The following ADCY9 variants were observed in gnomAD, a reference collection of about 807,000 sequenced individuals.
ADCY9 encodes adenylate cyclase 9.
In ADCY9, 50 loss-of-function variants were observed where a neutral mutation model predicts 101.5. The observed-to-expected ratio is 0.49, with a 90% confidence interval of 0.39 to 0.62. The LOEUF (loss-of-function observed/expected upper bound fraction) is 0.62, where lower values mean the gene tolerates loss of function less well. Among genes scored for constraint, ADCY9 ranks in the 20% least tolerant of loss-of-function variants. The probability of loss-of-function intolerance (pLI) is 0.00; values close to 1 mark genes in which losing one functional copy is unlikely to be tolerated. For missense variants in ADCY9, 1,662 were observed against 1,800.4 expected (o/e 0.92, Z 1.39); for synonymous variants, 905 against 769.3 (o/e 1.18, Z -2.92).
rs528721544 is a variant in ADCY9 at position 4,036,379 on chromosome 16, G to A, written c.1694-28821C>T. 2.0e-5 allele frequency among the ~76,000 whole-genome samples: 3 copies of A among 151,252 alleles called. No homozygotes were observed. The East Asian group carries it at 5.8e-4, about 29-fold the overall frequency. On this transcript the variant is annotated intron_variant, in intron 2 of 10. Transcript: ENST00000294016. ...GGGTATGTGAGAAATTTTATGGCAT[G>A]TATATAATGCGCAGTGATGAAGTCA...
At chr16:3,960,721 C>G (rs765935322), downstream of ADCY9, among the ~76,000 whole-genome samples, 1 of 152,174 alleles carries the variant, frequency 6.6e-6, no homozygotes, top group African/African-American at 2.4e-5. Flanking sequence ...TTACTTAACT[C>G]ACATCTCCTT....
In ADCY9 at chr16:4,115,350, C is replaced by A; in HGVS notation, c.93G>T (p.Lys31Asn). 6.2e-7 allele frequency: 1 copy of A among 1,612,704 alleles called. No individual in the cohort carries two copies. Among genetic ancestry groups the A allele is most frequent in the Non-Finnish European group, 8.5e-7 (1 of 1,179,550 alleles). The change falls in exon 2 of 11, where the codon AAG becomes AAT. Residue 31 changes from lysine to asparagine, a missense_variant. This residue lies in a region of ADCY9 where 422 missense variants were observed against 392.0 expected (regional missense o/e 1.08). Transcript: ENST00000294016. This position sits in a 1 kb window ranked among gnomAD's most constrained non-coding sequence, Gnocchi z 6.2. ...TGGAGGACAGCTGCTTGGGGTTGAT[C>A]TTGACGCGCACGCTGTTGCTGTCCC... ...SSGDSNSVRV[K>N]INPKQLSSNS...
chr16:4,075,232 G>A (rs1433367593), intron 2 of ADCY9, among the ~76,000 whole-genome samples: 2 of 152,092 alleles, frequency 1.3e-5, no homozygotes, highest in Admixed American at 6.5e-5. Context: ...TCCGCCTCCC[G>A]GGTTCAAGCA....
chr16:4,028,852 T>G (rs2056535305), intron 2 of ADCY9, among the ~76,000 whole-genome samples: 1 of 152,080 alleles, frequency 6.6e-6, no homozygotes, highest in African/African-American at 2.4e-5. Context: ...TGGCGCGATC[T>G]CGGCTCACTG....
intron 2 of ADCY9, among the ~76,000 whole-genome samples, chr16:4,038,145 G>C (rs897437047): frequency 5.9e-5 from 9 of 152,230 alleles, no homozygotes; most frequent in African/African-American, 1.7e-4. Context: ...GCCAGACGTG[G>C]TGGCACACGC....
chr16:3,986,034 C>T (rs1383071665), intron 6 of ADCY9, among the ~76,000 whole-genome samples: 2 of 152,234 alleles, frequency 1.3e-5, no homozygotes, highest in African/African-American at 2.4e-5. Flanking sequence ...GGCCAGGCTC[C>T]GCCCTGCTCA....
intron 2 of ADCY9, among the ~76,000 whole-genome samples, chr16:4,008,479 G>A (rs1435263289): frequency 6.6e-6 from 1 of 152,044 alleles, no homozygotes; most frequent in Non-Finnish European, 1.5e-5. Flanking sequence ...CGGAAGGAGG[G>A]ACAATGTAAT....
In ADCY9 at chr16:3,963,618, A is replaced by T. The variant is rs79896346; in HGVS notation, c.*2157T>A. 2.2e-3 allele frequency: 766 copies of T among 346,434 alleles called. 8 individuals are homozygous for T. The highest frequency in any genetic ancestry group is 0.015 in the African/African-American group (698 of 47,438). The allele number at this position is 346,434 out of a possible 1,614,324, so 21.5% of individuals were successfully genotyped here. A position where few individuals can be genotyped will look rare whatever the true frequency, so the allele number is the denominator to read the frequency against. ...AAACACCTTTGTGGTTGGGGAAGGA[A>T]ATGGGCTTGATGGGGAAGAAGTGTG... On this transcript the variant is annotated 3_prime_UTR_variant, in exon 11 of 11. Coordinates refer to ENST00000294016, the MANE Select transcript of ADCY9 (RefSeq NM_001116.4).
chr16:4,055,073 G>A (rs555256396), intron 2 of ADCY9, among the ~76,000 whole-genome samples: 3 of 152,208 alleles, frequency 2.0e-5, no homozygotes, highest in East Asian at 1.9e-4. Context: ...CAGGGCCCCC[G>A]CGGAAGGGGA....
intron 2 of ADCY9, among the ~76,000 whole-genome samples, chr16:4,033,229 T>C (rs1374297847): frequency 6.6e-6 from 1 of 152,202 alleles, no homozygotes; most frequent in Non-Finnish European, 1.5e-5. Context: ...TCCTAAATTC[T>C]TTTCTCTTGC....
At chr16:4,073,568 G>C (rs1020693235) in intron 2 of ADCY9, among the ~76,000 whole-genome samples, 3 of 152,050 alleles carry the variant, frequency 2.0e-5, no homozygotes, top group Non-Finnish European at 2.9e-5. Context: ...GCTAATTTTT[G>C]TATTTTTAGT....
chr16:4,110,065 G>C (rs1226432471), intron 2 of ADCY9, among the ~76,000 whole-genome samples: 2 of 152,174 alleles, frequency 1.3e-5, no homozygotes, highest in Non-Finnish European at 2.9e-5. Flanking sequence ...TCAGGACCCA[G>C]CTCCAGCAGG....
chr16:3,974,355 G>A (rs1053146200), intron 10 of ADCY9, among the ~76,000 whole-genome samples: 1 of 152,050 alleles, frequency 6.6e-6, no homozygotes, highest in Admixed American at 6.6e-5. Context: ...ATTTCAAGTC[G>A]GTTATTTTAA....
Position 4,007,398 on chromosome 16 carries a change from C to A in ADCY9, c.1854G>T (p.Ala618=), listed in dbSNP as rs759320401. 132 of 1,597,026 alleles carry A rather than the reference C, an allele frequency of 8.3e-5. No individual in the cohort carries two copies. Among genetic ancestry groups the A allele is most frequent in the Non-Finnish European group, 1.1e-4 (132 of 1,174,756 alleles). ...TASSGNVSDL[A]QTVKTFDNLK... ...GGTTATCAAAGGTTTTGACAGTCTG[C>A]GCCAAGTCACTGACATTCCCTGATG... The change falls in exon 3 of 11, where the codon GCG becomes GCT. Residue 618 remains alanine (A), a synonymous_variant. Coordinates refer to ENST00000294016, the MANE Select transcript of ADCY9 (RefSeq NM_001116.4).
Position 3,974,675 on chromosome 16 carries a change from T to C in ADCY9, c.2864A>G (p.Asn955Ser). Reference protein sequence around the residue: ...VLTSPLDAVQNFSSERNPCNS... With the variant: ...VLTSPLDAVQSFSSERNPCNS... ...TGCAATATTAAAAGCTTACCTGAAATTCTGTACTGCGTCAAGGGGCGAAGT... is the reference window on the plus strand; with the variant it reads ...TGCAATATTAAAAGCTTACCTGAAACTCTGTACTGCGTCAAGGGGCGAAGT... Residue 955 changes from asparagine to serine, a missense_variant, in exon 10 of 11, where the codon AAT (asparagine) becomes AGT (serine). Transcript: ENST00000294016. 1 of 1,612,688 alleles carries C rather than the reference T, an allele frequency of 6.2e-7. No individual in the cohort carries two copies. The highest frequency in any genetic ancestry group is 8.5e-7 in the Non-Finnish European group (1 of 1,178,826).
Position 4,114,345 on chromosome 16 carries a change from G to C in ADCY9, c.1098C>G (p.Pro366=). The C allele has an allele frequency of 6.2e-7, 1 of 1,613,986 alleles. No individual in the cohort carries two copies. Among genetic ancestry groups the C allele is most frequent in the Non-Finnish European group, 8.5e-7 (1 of 1,180,032 alleles). Residue 366 remains proline, a synonymous_variant, in exon 2 of 11, where the codon CCC becomes CCG. Coordinates refer to ENST00000294016, the MANE Select transcript of ADCY9 (RefSeq NM_001116.4). This position sits in a 1 kb window ranked among gnomAD's most constrained non-coding sequence, Gnocchi z 4.3. The stretch of plus-strand genomic sequence containing the variant: ...TGGAAGACTTTTTCTTCCTGTTCTT[G>C]GGGCTCGAGGTGGCATGCCTCTTGA... ...NSVKRHATSS[P]KNRKKKSSIQ...
chr16:4,100,652 T>C (rs1426171064), intron 2 of ADCY9, among the ~76,000 whole-genome samples: 2 of 148,964 alleles, frequency 1.3e-5, no homozygotes, highest in East Asian at 3.9e-4. Flanking sequence ...TTTATAGCAG[T>C]GTTAGAATGG....
chr16:4,079,305 A>C (rs1289332955), intron 2 of ADCY9, among the ~76,000 whole-genome samples: 1 of 152,232 alleles, frequency 6.6e-6, no homozygotes, highest in Non-Finnish European at 1.5e-5. Context: ...ATGGTGGCTC[A>C]CGCATGTAAT....
At chr16:4,058,482 A>AT (rs1487185169) in intron 2 of ADCY9, among the ~76,000 whole-genome samples, 1 of 151,758 alleles carries the variant, frequency 6.6e-6, no homozygotes, top group African/African-American at 2.4e-5. Flanking sequence ...AAAAAAAAAA[A>AT]AGAAGAAGAA....
Sources: gnomAD v4.1 joint callset for allele counts (sites outside exome capture counted in the v4.1 genomes callset) on GRCh38, gnomAD v4.1.1 for gene constraint, gnomAD v4.1.1 regional missense constraint, Gnocchi (gnomAD v3.1) non-coding constraint, MANE v1.5 for transcripts, NCBI Gene and HGNC (gene_info 2026-07-23, HGNC 2026-07-21) for gene names.